Variants in CHST11 observed in about 807,000 individuals in gnomAD.
The protein encoded by CHST11 is carbohydrate sulfotransferase 11.
A neutral mutation model predicts 30.4 loss-of-function variants in CHST11; 9 were observed. The ratio of observed to expected loss-of-function variants is 0.30; its 90% CI spans 0.18 to 0.52. CHST11 has a LOEUF of 0.52. Ranked by LOEUF, CHST11 falls within the 20% of genes least tolerant of loss-of-function variation. The pLI, the probability that CHST11 is intolerant of heterozygous loss-of-function variation, is 0.97. For missense variants in CHST11, 348 were observed against 460.6 expected, an observed-to-expected ratio of 0.76 and a Z score of 2.24; for synonymous variants, 152 against 187.8, an observed-to-expected ratio of 0.81 and a Z score of 1.56.
At chr12:104,461,879 G>A (rs536884941) in intron 1 of CHST11, among the ~76,000 whole-genome samples, 58 of 152,016 alleles carry the variant, frequency 3.8e-4, no homozygotes, top group African/African-American at 1.4e-3. Flanking sequence ...AAATTTAGGA[G>A]GTGGCCAGGT....
At chr12:104,735,330 G>A (rs1417542620) in intron 2 of CHST11, among the ~76,000 whole-genome samples, 25 of 152,312 alleles carry the variant, frequency 1.6e-4, no homozygotes, top group Admixed American at 1.6e-3. Context: ...AGCTTAGGAC[G>A]ATGCTTGGCA....
At chr12:104,567,182 G>A (rs556260078) in intron 1 of CHST11, among the ~76,000 whole-genome samples, 1 of 152,290 alleles carries the variant, frequency 6.6e-6, no homozygotes, top group African/African-American at 2.4e-5. Flanking sequence ...TTGAGCTGCA[G>A]GAATATTTGG....
At chr12:104,507,504 T>C (rs2037918246) in intron 1 of CHST11, among the ~76,000 whole-genome samples, 1 of 152,244 alleles carries the variant, frequency 6.6e-6, no homozygotes, top group East Asian at 1.9e-4. Flanking sequence ...TGGGCCTTGG[T>C]TTCCCCATTT....
At chr12:104,726,810 A>T (rs2040220387) in intron 2 of CHST11, among the ~76,000 whole-genome samples, 1 of 152,192 alleles carries the variant, frequency 6.6e-6, no homozygotes, top group African/African-American at 2.4e-5. Context: ...ATGTGATTAG[A>T]TTACACTGCC....
chr12:104,635,640 T>C (rs1291558641), intron 2 of CHST11, among the ~76,000 whole-genome samples: 1 of 152,262 alleles, frequency 6.6e-6, no homozygotes, highest in Non-Finnish European at 1.5e-5. Context: ...TGTAGCCACA[T>C]CTGCCATCTC....
chr12:104,704,100 G>C (rs375002232), intron 2 of CHST11, among the ~76,000 whole-genome samples: 13 of 152,284 alleles, frequency 8.5e-5, no homozygotes, highest in African/African-American at 3.1e-4. Flanking sequence ...AAGGTGTAGA[G>C]ACGAGCCTGG....
At chr12:104,505,310 A>G (rs1043348717) in intron 1 of CHST11, among the ~76,000 whole-genome samples, 1 of 152,146 alleles carries the variant, frequency 6.6e-6, no homozygotes, top group Non-Finnish European at 1.5e-5. Context: ...AGCCAGGGAT[A>G]CTGCATGGAA....
At chr12:104,740,879 G>A (rs1246798734) in intron 2 of CHST11, among the ~76,000 whole-genome samples, 2 of 152,194 alleles carry the variant, frequency 1.3e-5, no homozygotes, top group African/African-American at 2.4e-5. Context: ...GGATTTAGAC[G>A]TGCTTGTCCC....
At chr12:104,721,081 G>A (rs2040172186) in intron 2 of CHST11, among the ~76,000 whole-genome samples, 1 of 152,174 alleles carries the variant, frequency 6.6e-6, no homozygotes, top group African/African-American at 2.4e-5. Flanking sequence ...GCTTACAAAA[G>A]ACTGAAACCC....
At chr12:104,532,230 T>C (rs540514916) in intron 1 of CHST11, among the ~76,000 whole-genome samples, 13 of 152,268 alleles carry the variant, frequency 8.5e-5, no homozygotes, top group African/African-American at 2.4e-4. Flanking sequence ...ATGTTTGCTG[T>C]CCTCTCTGCC....
rs182201877 is a variant in CHST11 at position 104,565,422 on chromosome 12, A to G, written c.119-36484A>G. Among the ~76,000 whole-genome samples the G allele has an allele frequency of 5.9e-5, 9 of 151,944 alleles. No homozygotes were observed. The East Asian group carries it at 1.5e-3, about 26-fold the overall frequency. ...GCTGGGACTACAGGTACGTGCCACC[A>G]TGCTGGGCTAATTTCTGTATTTTTA... On this transcript the variant is annotated intron_variant, in intron 1 of 2. Coordinates refer to ENST00000303694, the MANE Select transcript of CHST11 (RefSeq NM_018413.6).
At chr12:104,679,257 A>G (rs1040373032) in intron 2 of CHST11, among the ~76,000 whole-genome samples, 2 of 152,162 alleles carry the variant, frequency 1.3e-5, no homozygotes, top group Non-Finnish European at 2.9e-5. Context: ...AGGGAAGTAG[A>G]ATTTAGCAGT....
intron 1 of CHST11, among the ~76,000 whole-genome samples, chr12:104,549,040 T>A (rs1247645404): frequency 6.6e-6 from 1 of 152,210 alleles, no homozygotes; most frequent in Non-Finnish European, 1.5e-5. Context: ...ACCAAACAGA[T>A]CCCAACCACG....
At chr12:104,515,925 T>A (rs976486331) in intron 1 of CHST11, among the ~76,000 whole-genome samples, 2 of 152,230 alleles carry the variant, frequency 1.3e-5, no homozygotes, top group Non-Finnish European at 2.9e-5. Flanking sequence ...CATTTTTGTG[T>A]GTATTTTAAT....
chr12:104,634,525 G>A (rs1015160105), intron 2 of CHST11, among the ~76,000 whole-genome samples: 1 of 152,186 alleles, frequency 6.6e-6, no homozygotes, highest in South Asian at 2.1e-4. Flanking sequence ...CCACGTGCCC[G>A]ACACGTCTCG....
intron 2 of CHST11, among the ~76,000 whole-genome samples, chr12:104,605,558 G>C (rs1011468649): frequency 6.6e-6 from 1 of 152,166 alleles, no homozygotes; most frequent in Non-Finnish European, 1.5e-5. Flanking sequence ...CAGCCTGGGC[G>C]AAAGAGCCAG....
chr12:104,726,679 G>C (rs2040219768), intron 2 of CHST11, among the ~76,000 whole-genome samples: 1 of 152,160 alleles, frequency 6.6e-6, no homozygotes, highest in African/African-American at 2.4e-5. Flanking sequence ...AATGGGCTGG[G>C]AAAGGGTGTG....
At chr12:104,606,620 G>T (rs2136050366) in intron 2 of CHST11, among the ~76,000 whole-genome samples, 1 of 152,304 alleles carries the variant, frequency 6.6e-6, no homozygotes, top group South Asian at 2.1e-4. Context: ...ATGAGGAGAG[G>T]CTGGTGCTTT....
At chr12:104,579,036 A>C (rs2038712509) in intron 1 of CHST11, among the ~76,000 whole-genome samples, 1 of 152,256 alleles carries the variant, frequency 6.6e-6, no homozygotes, top group African/African-American at 2.4e-5. Flanking sequence ...AGAAGAAGCC[A>C]TGAGAAGGTG....
Sources: allele counts gnomAD v4.1 joint callset (sites outside exome capture counted in the v4.1 genomes callset), GRCh38; gene constraint gnomAD v4.1.1; transcripts MANE v1.5; gene names NCBI Gene and HGNC (gene_info 2026-07-23, HGNC 2026-07-21).